Variants in SLCO6A1 observed in about 807,000 individuals in gnomAD.
SLCO6A1 encodes the protein cancer/testis antigen 48.
Under a neutral mutation model 72.7 loss-of-function variants are expected in SLCO6A1, and 65 were observed. That is an observed-to-expected ratio of 0.89 (90% CI 0.73 to 1.10). The LOEUF (loss-of-function observed/expected upper bound fraction) is 1.10, where lower values mean the gene tolerates loss of function less well. SLCO6A1 is among the 50% of genes least tolerant of loss of function. The probability of loss-of-function intolerance (pLI) is 0.00; values close to 1 mark genes in which losing one functional copy is unlikely to be tolerated. For synonymous variants in SLCO6A1, 314 were observed against 298.2 expected, an observed-to-expected ratio of 1.05 and a Z score of -0.55; for missense variants, 874 against 872.6, an observed-to-expected ratio of 1.00 and a Z score of -0.02.
At chr5:102,415,126 T>C (rs967283757) in intron 8 of SLCO6A1, among the ~76,000 whole-genome samples, 2 of 152,022 alleles carry the variant, frequency 1.3e-5, no homozygotes. Flanking sequence ...GTTAAAATGA[T>C]TTTACTGCCC....
intron 4 of SLCO6A1, among the ~76,000 whole-genome samples, chr5:102,465,854 T>G (rs1216953980): frequency 6.6e-6 from 1 of 152,048 alleles, no homozygotes; most frequent in Non-Finnish European, 1.5e-5. Flanking sequence ...TTGAGGCAGT[T>G]ATTCATTAAA....
intron 1 of SLCO6A1, among the ~76,000 whole-genome samples, chr5:102,497,541 G>A (rs569467299): frequency 6.6e-6 from 1 of 152,288 alleles, no homozygotes; most frequent in East Asian, 1.9e-4. Flanking sequence ...GTCAGGTTCT[G>A]GAGGAGGTGA....
chr5:102,488,793 A>G (rs891142748), intron 1 of SLCO6A1, among the ~76,000 whole-genome samples: 3 of 152,226 alleles, frequency 2.0e-5, no homozygotes, highest in Non-Finnish European at 4.4e-5. Context: ...CAGAGAAAAA[A>G]TTCTAGATTT....
chr5:102,424,368 C>G (rs560754283), intron 7 of SLCO6A1, among the ~76,000 whole-genome samples: 1 of 152,176 alleles, frequency 6.6e-6, no homozygotes, highest in South Asian at 2.1e-4. Context: ...ACTAGATACA[C>G]TGCTAGCCAG....
chr5:102,445,543 T>C (rs1186706386), intron 6 of SLCO6A1, among the ~76,000 whole-genome samples: 2 of 152,218 alleles, frequency 1.3e-5, no homozygotes, highest in Non-Finnish European at 2.9e-5. Context: ...ACTCTGTTGA[T>C]AGTTTCTTTT....
intron 1 of SLCO6A1, among the ~76,000 whole-genome samples, chr5:102,491,692 C>T (rs930647143): frequency 2.6e-5 from 4 of 152,254 alleles, no homozygotes; most frequent in African/African-American, 4.8e-5. Context: ...GGCCCGCAAG[C>T]GCGGTGCGCA....
Position 102,413,056 on chromosome 5 carries a change from A to G in SLCO6A1, c.1560T>C (p.Asp520=). The change falls in exon 9 of 14, where the codon GAT becomes GAC. Residue 520 remains aspartate (D), a synonymous_variant. Transcript: ENST00000506729. ...AGCAGGGAGAAAAATATTCAATATC[A>G]TCTCTTCCACATATAGAAGAATAAA... ...SSIYSSICGR[D]DIEYFSPCFA... 6.4e-7 allele frequency: 1 copy of G among 1,572,730 alleles called. No homozygotes were observed. Among genetic ancestry groups the G allele is most frequent in the Non-Finnish European group, 8.6e-7 (1 of 1,164,568 alleles).
chr5:102,381,029 A>G (rs1245027294), intron 12 of SLCO6A1, among the ~76,000 whole-genome samples: 2 of 151,962 alleles, frequency 1.3e-5, no homozygotes, highest in East Asian at 3.8e-4. Flanking sequence ...ACACTTTAAA[A>G]TGATTAAATC....
chr5:102,468,827 AATTTTTGTATACGGTGTAAGGAAAGG>A (rs765293823), intron 4 of SLCO6A1, among the ~76,000 whole-genome samples: 10 of 151,980 alleles, frequency 6.6e-5, no homozygotes, highest in Non-Finnish European at 1.3e-4. Flanking sequence ...ATCTTGAGTT[AATTTTTGTATACGGTGTAAGGAAAGG>A]ATCCAGTTTC....
chr5:102,428,538 GGTTA>G (rs10611645), intron 7 of SLCO6A1, among the ~76,000 whole-genome samples: 3,517 of 152,168 alleles, frequency 0.023, 95 homozygotes, highest in African/African-American at 0.068. Flanking sequence ...TACATATGCA[GGTTA>G]GTTATATAGG....
chr5:102,477,538 A>G (rs1751965090), intron 3 of SLCO6A1, 138 bp downstream of exon 3: 1 of 636,606 alleles, frequency 1.6e-6, no homozygotes, highest in East Asian at 2.8e-5. Context: ...TGTGATTTGG[A>G]GGTTTAGCAT....
At chr5:102,468,716 G>T (rs1164649875) in intron 4 of SLCO6A1, among the ~76,000 whole-genome samples, 1 of 151,942 alleles carries the variant, frequency 6.6e-6, no homozygotes, top group Non-Finnish European at 1.5e-5. Flanking sequence ...TTAAGTTTGT[G>T]TGAGTCCTTA....
chr5:102,376,262 A>G (rs1745787576), intron 12 of SLCO6A1, among the ~76,000 whole-genome samples: 1 of 152,170 alleles, frequency 6.6e-6, no homozygotes, highest in Non-Finnish European at 1.5e-5. Flanking sequence ...TCTCCTGTAT[A>G]AAAGAAATGC....
chr5:102,440,665 C>T (rs1340690214), intron 6 of SLCO6A1, among the ~76,000 whole-genome samples: 5 of 152,086 alleles, frequency 3.3e-5, no homozygotes, highest in Non-Finnish European at 5.9e-5. Flanking sequence ...TCTAGTTGAC[C>T]CCAAGTATAG....
chr5:102,407,777 T>C (rs1580369100), intron 9 of SLCO6A1, among the ~76,000 whole-genome samples: 1 of 152,094 alleles, frequency 6.6e-6, no homozygotes, highest in South Asian at 2.1e-4. Flanking sequence ...AACATACAGC[T>C]AGCAAAAAAA....
intron 1 of SLCO6A1, among the ~76,000 whole-genome samples, chr5:102,495,972 C>T (rs1176214006): frequency 6.6e-6 from 1 of 152,202 alleles, no homozygotes; most frequent in African/African-American, 2.4e-5. Flanking sequence ...CTTAATGCAA[C>T]ATATGTTCCT....
chr5:102,486,348 T>C (rs1233608645), intron 1 of SLCO6A1, among the ~76,000 whole-genome samples: 1 of 152,180 alleles, frequency 6.6e-6, no homozygotes, highest in African/African-American at 2.4e-5. Context: ...CTTCCCATTT[T>C]TAAGCTTTGT....
intron 6 of SLCO6A1, among the ~76,000 whole-genome samples, chr5:102,455,981 A>G (rs1750690803): frequency 6.6e-6 from 1 of 152,234 alleles, no homozygotes; most frequent in Non-Finnish European, 1.5e-5. Context: ...AATCCAGCAT[A>G]TAAAGAGAAC....
chr5:102,453,118 C>T (rs527878938), intron 6 of SLCO6A1, among the ~76,000 whole-genome samples: 82 of 152,038 alleles, frequency 5.4e-4, no homozygotes, highest in Non-Finnish European at 9.4e-4. Context: ...TGCAATTCTT[C>T]CCCTAATCTA....
Sources: gnomAD v4.1 joint callset for allele counts (sites outside exome capture counted in the v4.1 genomes callset) on GRCh38, gnomAD v4.1.1 for gene constraint, MANE v1.5 for transcripts, NCBI Gene and HGNC (gene_info 2026-07-23, HGNC 2026-07-21) for gene names.